The following GPRASP3 variants were observed in gnomAD, a reference collection of about 807,000 sequenced individuals.
The protein encoded by GPRASP3 is G protein-coupled receptor associated sorting protein 3.
the GPRASP3 span, among the ~76,000 whole-genome samples, chrX:102,742,464 C>T: frequency 8.9e-6 from 1 of 112,326 alleles, no homozygotes; most frequent in East Asian, 2.8e-4. Context: ...CAAATTGCTC[C>T]TGGGAATAAC....
chrX:102,750,991 T>A, the GPRASP3 span: 30 of 144,609 alleles, frequency 2.1e-4, no homozygotes, highest in Non-Finnish European at 4.0e-4. Context: ...CACACAAAGA[T>A]AACAGTACCT....
the GPRASP3 span, among the ~76,000 whole-genome samples, chrX:102,723,374 T>G: frequency 9.0e-6 from 1 of 111,644 alleles, no homozygotes; most frequent in Admixed American, 9.5e-5. Context: ...ACAAGGTATG[T>G]GGGGCAAAAT....
the GPRASP3 span, among the ~76,000 whole-genome samples, chrX:102,722,308 A>G: frequency 8.9e-6 from 1 of 112,051 alleles, no homozygotes; most frequent in Non-Finnish European, 1.9e-5. Context: ...ATTATAAAGG[A>G]TATAAATCAA....
the GPRASP3 span, chrX:102,720,970 A>G: frequency 8.9e-6 from 1 of 112,358 alleles, no homozygotes; most frequent in African/African-American, 3.2e-5. Context: ...CTCAAGAAGC[A>G]GAGAGTCTAC....
At chrX:102,748,779 C>A in the GPRASP3 span, 1 of 346,270 alleles carries the variant, frequency 2.9e-6, no homozygotes, top group Non-Finnish European at 5.1e-6. Context: ...TGGGAACAAT[C>A]ATTCTCCCCC....
the GPRASP3 span, among the ~76,000 whole-genome samples, chrX:102,729,312 C>G: frequency 8.9e-6 from 1 of 111,806 alleles, no homozygotes; most frequent in African/African-American, 3.3e-5. Flanking sequence ...ATTTCAGCCC[C>G]CTTTAGGTTT....
the GPRASP3 span, among the ~76,000 whole-genome samples, chrX:102,722,077 T>C: frequency 8.9e-6 from 1 of 111,944 alleles, no homozygotes; most frequent in East Asian, 2.8e-4. Flanking sequence ...ATTCTGATAC[T>C]ACCCAGAGTT....
the GPRASP3 span, among the ~76,000 whole-genome samples, chrX:102,742,655 T>C: frequency 4.0e-4 from 45 of 111,282 alleles, no homozygotes; most frequent in Non-Finnish European, 5.5e-4. Context: ...CCTCTGCAAG[T>C]TGTCCTATTG....
the GPRASP3 span, among the ~76,000 whole-genome samples, chrX:102,724,146 G>T: frequency 9.0e-6 from 1 of 111,719 alleles, no homozygotes; most frequent in Non-Finnish European, 1.9e-5. Flanking sequence ...CAGAAGCATG[G>T]GTGGCTTCCT....
At chrX:102,734,050 A>G in the GPRASP3 span, among the ~76,000 whole-genome samples, 2 of 111,285 alleles carry the variant, frequency 1.8e-5, no homozygotes, top group Non-Finnish European at 3.8e-5. Context: ...GAATTTCATA[A>G]GATAATGTCA....
chrX:102,724,535 T>G, the GPRASP3 span, among the ~76,000 whole-genome samples: 1 of 111,200 alleles, frequency 9.0e-6, no homozygotes, highest in African/African-American at 3.3e-5. Context: ...CCTGTCATCA[T>G]TTTTTTTCTT....
chrX:102,742,802 A>T, the GPRASP3 span, among the ~76,000 whole-genome samples: 2 of 111,908 alleles, frequency 1.8e-5, no homozygotes, highest in South Asian at 7.5e-4. Context: ...GTCTCAGTCA[A>T]TTGAGGAAGT....
At chrX:102,746,903 G>A in the GPRASP3 span, among the ~76,000 whole-genome samples, 476 of 112,727 alleles carry the variant, frequency 4.2e-3, 3 homozygotes, top group African/African-American at 0.015. Context: ...AGTGGTCCAT[G>A]TAAATAACAG....
the GPRASP3 span, chrX:102,752,806 G>C: frequency 8.2e-6 from 1 of 122,448 alleles, no homozygotes; most frequent in Non-Finnish European, 1.9e-5. Context: ...GTCTTGCTCT[G>C]TCACCCAGGC....
At chrX:102,742,186 C>T in the GPRASP3 span, among the ~76,000 whole-genome samples, 1 of 112,287 alleles carries the variant, frequency 8.9e-6, no homozygotes, top group Non-Finnish European at 1.9e-5. Context: ...AGAGATCAGA[C>T]CTTACCAACT....
At chrX:102,749,831 C>T in the GPRASP3 span, 4 of 1,208,873 alleles carry the variant, frequency 3.3e-6, no homozygotes, top group South Asian at 3.5e-5. Flanking sequence ...CAGCCTATCC[C>T]TGAGTGTCGT....
At chrX:102,734,423 C>A in the GPRASP3 span, among the ~76,000 whole-genome samples, 1 of 112,082 alleles carries the variant, frequency 8.9e-6, no homozygotes, top group Non-Finnish European at 1.9e-5. Context: ...TTGAGACCAG[C>A]CTGGCCAATA....
the GPRASP3 span, among the ~76,000 whole-genome samples, chrX:102,727,458 C>T: frequency 8.9e-6 from 1 of 112,050 alleles, no homozygotes; most frequent in South Asian, 3.7e-4. Flanking sequence ...AAGAGAGTAC[C>T]AAGGGGATAG....
chrX:102,729,994 T>C, the GPRASP3 span, among the ~76,000 whole-genome samples: 2 of 111,982 alleles, frequency 1.8e-5, no homozygotes, highest in Non-Finnish European at 3.8e-5. Flanking sequence ...GCGAATGGCA[T>C]GGTTTCAGGA....
Sources: gnomAD v4.1 joint callset for allele counts (sites outside exome capture counted in the v4.1 genomes callset) on GRCh38, gnomAD v4.1.1 for gene constraint, MANE v1.5 for transcripts, NCBI Gene and HGNC (gene_info 2026-07-23, HGNC 2026-07-21) for gene names.